The following ATP12A variants were observed in gnomAD, a reference collection of about 807,000 sequenced individuals.
The protein encoded by ATP12A is potassium-transporting ATPase alpha chain 2.
Under a neutral mutation model 111.2 loss-of-function variants are expected in ATP12A, and 81 were observed. The ratio of observed to expected loss-of-function variants is 0.73; its 90% CI spans 0.61 to 0.88. The LOEUF (loss-of-function observed/expected upper bound fraction) is 0.88, where lower values mean the gene tolerates loss of function less well. Among genes scored for constraint, ATP12A ranks in the 40% least tolerant of loss-of-function variants. The pLI is 0.00. For missense variants in ATP12A, 1,196 were observed against 1,313.1 expected (o/e 0.91, Z 1.38); for synonymous variants, 498 against 499.8 (o/e 1.00, Z 0.05).
intron 5 of ATP12A, among the ~76,000 whole-genome samples, chr13:24,689,776 C>T (rs1402694622): frequency 6.6e-6 from 1 of 152,148 alleles, no homozygotes; most frequent in Non-Finnish European, 1.5e-5. Context: ...GTGCTCCCTT[C>T]TTCCCCAAAA....
intron 11 of ATP12A, among the ~76,000 whole-genome samples, chr13:24,698,038 AT>A (rs568879574): frequency 2.0e-5 from 3 of 151,804 alleles, no homozygotes; most frequent in Admixed American, 6.6e-5. Flanking sequence ...TTGTATATCG[AT>A]TTTTTTTGCA....
rs1164869469 is a variant in ATP12A, at chr13:24,680,601, C to T, written c.-143C>T. Reference sequence around the variant, plus strand: ...TCGGCCGCGGAGGTGCGTGCAGGGCCCGCGCCGCCGCCGGTATCTCCACCG... The same window carrying T: ...TCGGCCGCGGAGGTGCGTGCAGGGCTCGCGCCGCCGCCGGTATCTCCACCG... On this transcript the variant is annotated 5_prime_UTR_variant, in exon 1 of 23. Coordinates refer to ENST00000381946, the MANE Select transcript of ATP12A (RefSeq NM_001676.7). The T allele has an allele frequency of 1.4e-5, 14 of 995,516 alleles. No homozygotes were observed. Among genetic ancestry groups the T allele is most frequent in the African/African-American group, 1.7e-5 (1 of 58,426 alleles). The allele number at this position is 995,516 out of a possible 1,614,324, so 61.7% of individuals were successfully genotyped here.
At chr13:24,682,019 TGTA>T (rs1442040432) in intron 2 of ATP12A, among the ~76,000 whole-genome samples, 13 of 98,986 alleles carry the variant, frequency 1.3e-4, no homozygotes, top group Admixed American at 3.8e-4. Flanking sequence ...ATATGGTGTG[TGTA>T]GTGTGTGGTG....
chr13:24,688,523 G>C lies in ATP12A; in HGVS notation c.432+1G>C. The C allele has an allele frequency of 6.3e-7, 1 of 1,576,200 alleles. No homozygotes were observed. Among genetic ancestry groups the C allele is most frequent in the Non-Finnish European group, 8.6e-7 (1 of 1,158,140 alleles). The stretch of plus-strand genomic sequence containing the variant: ...CGACAAGTCTGCATCCCTGAACAAC[G>C]TAAGGCTCTGGGGTGTCCCCTCCTG... On this transcript the variant is annotated splice_donor_variant, in intron 4 of 22. Coordinates refer to ENST00000381946, the MANE Select transcript of ATP12A (RefSeq NM_001676.7). LOFTEE classifies it high-confidence loss of function.
intron 2 of ATP12A, among the ~76,000 whole-genome samples, chr13:24,682,378 TGTGTGTG>T (rs1035812099): frequency 2.7e-5 from 4 of 149,116 alleles, no homozygotes; most frequent in African/African-American, 1.0e-4. Context: ...GTGTGTGGTG[TGTGTGTG>T]GTGTGTGGTG....
chr13:24,686,129 C>G (rs562391559), intron 3 of ATP12A, among the ~76,000 whole-genome samples: 4 of 152,124 alleles, frequency 2.6e-5, no homozygotes, highest in Non-Finnish European at 5.9e-5. Context: ...AAATGAGGAT[C>G]TGAAATAATG....
intron 16 of ATP12A, 30 bp from the exon 17 acceptor site, chr13:24,707,249 A>G: frequency 1.2e-6 from 2 of 1,613,912 alleles, no homozygotes; most frequent in Non-Finnish European, 1.7e-6. Flanking sequence ...GACTAGAAGT[A>G]AGTTCTGAAG....
At chr13:24,708,933 GAA>G (rs1338722119) in intron 17 of ATP12A, among the ~76,000 whole-genome samples, 1 of 141,216 alleles carries the variant, frequency 7.1e-6, no homozygotes, top group South Asian at 2.3e-4. Flanking sequence ...AAGAAAGAAA[GAA>G]AGAAAGAAAG....
At chr13:24,680,816 G>T in intron 1 of ATP12A, 64 bp downstream of exon 1, 2 of 1,434,532 alleles carry the variant, frequency 1.4e-6, no homozygotes, top group Non-Finnish European at 1.8e-6. Context: ...GGGGACCGGA[G>T]CAGGCTGACG....
chr13:24,692,691 C>A, intron 9 of ATP12A, 64 bp downstream of exon 9: 1 of 1,597,402 alleles, frequency 6.3e-7, no homozygotes, highest in Non-Finnish European at 8.6e-7. Flanking sequence ...CTGAGCTGAG[C>A]ACACAGCAGG....
In ATP12A at chr13:24,709,664, A is replaced by T. The variant is rs754629456; in HGVS notation, c.2618-19A>T. On this transcript the variant is annotated intron_variant, in intron 18 of 22. Coordinates refer to ENST00000381946, the MANE Select transcript of ATP12A (RefSeq NM_001676.7). ...GAGGCCATCATAGAACCTGTGTCCT[A>T]TCTCTCTTGTTCTTTCAGGCCTCAT... 1 of 1,612,846 alleles carries T rather than the reference A, an allele frequency of 6.2e-7. No homozygotes were observed. Among genetic ancestry groups the T allele is most frequent in the South Asian group, 1.1e-5 (1 of 91,058 alleles).
At chr13:24,694,320 C>A in intron 10 of ATP12A, 124 bp from the exon 11 acceptor site, 2 of 1,266,448 alleles carry the variant, frequency 1.6e-6, no homozygotes, top group East Asian at 4.6e-5. Flanking sequence ...CCTCCCTGAT[C>A]ACGTGATAAT....
intron 11 of ATP12A, among the ~76,000 whole-genome samples, chr13:24,697,296 T>A (rs1160226): frequency 1.3e-5 from 2 of 151,976 alleles, no homozygotes; most frequent in African/African-American, 4.8e-5. Context: ...ACGTGGTACA[T>A]ACCATAAAAG....
intron 17 of ATP12A, among the ~76,000 whole-genome samples, chr13:24,708,964 G>GAAAAA (rs1566078416): frequency 8.7e-6 from 1 of 114,732 alleles, no homozygotes; most frequent in Non-Finnish European, 1.9e-5. Context: ...AAAGAAAGAA[G>GAAAAA]GAAAGAGAAA....
intron 6 of ATP12A, 38 bp from the exon 7 acceptor site, chr13:24,690,566 G>A: frequency 6.2e-7 from 1 of 1,602,814 alleles, no homozygotes; most frequent in Non-Finnish European, 8.5e-7. Flanking sequence ...CAGGGAATGA[G>A]GTACCCAGCT....
In ATP12A at chr13:24,685,188, C is replaced by G; in HGVS notation, c.169-126C>G. On this transcript the variant is annotated intron_variant, in intron 2 of 22. Coordinates refer to ENST00000381946, the MANE Select transcript of ATP12A (RefSeq NM_001676.7). This position sits in a 1 kb window ranked among gnomAD's most constrained non-coding sequence, Gnocchi z 5.5. ...ACAGGGGTTCTTTCTCTCCTGTCCC[C>G]CACACTCCTCGATCCCCTCCCATCC... The G allele has an allele frequency of 1.2e-6, 1 of 852,530 alleles. No individual in the cohort carries two copies. 52.8% of individuals were successfully genotyped at this position (852,530 alleles called of 1,614,324 possible). A position where few individuals can be genotyped will look rare whatever the true frequency, so the allele number is the denominator to read the frequency against.
At position 24,688,498 on chromosome 13, in the gene ATP12A, C is replaced by T. The variant is rs369759214; in HGVS notation, c.408C>T (p.Ser136=). The T allele has an allele frequency of 5.9e-5, 95 of 1,603,662 alleles. No individual in the cohort carries two copies. The highest frequency in any genetic ancestry group is 2.1e-4 in the African/African-American group (16 of 74,742). ...CWIAYGIQYS[S]DKSASLNNVY... is the part of the protein sequence containing the mutation. Reference sequence around the variant, plus strand: ...TTGCATATGGGATTCAGTACTCCAGCGACAAGTCTGCATCCCTGAACAACG... The same window carrying T: ...TTGCATATGGGATTCAGTACTCCAGTGACAAGTCTGCATCCCTGAACAACG... Residue 136 remains serine (S), a synonymous_variant, in exon 4 of 23, where the codon AGC becomes AGT. Transcript: ENST00000381946.
intron 17 of ATP12A, among the ~76,000 whole-genome samples, chr13:24,708,242 C>T (rs952199918): frequency 6.6e-6 from 1 of 152,298 alleles, no homozygotes; most frequent in South Asian, 2.1e-4. Context: ...AAACCTTCCC[C>T]TTTTCCAGTA....
intron 11 of ATP12A, among the ~76,000 whole-genome samples, chr13:24,696,895 G>A (rs925471646): frequency 3.9e-5 from 6 of 152,122 alleles, no homozygotes; most frequent in African/African-American, 1.2e-4. Context: ...ACGTCTCTGC[G>A]GGAAGGAAAT....
Sources: gnomAD v4.1 joint callset for allele counts (sites outside exome capture counted in the v4.1 genomes callset) on GRCh38, gnomAD v4.1.1 for gene constraint, Gnocchi (gnomAD v3.1) non-coding constraint, MANE v1.5 for transcripts, NCBI Gene and HGNC (gene_info 2026-07-23, HGNC 2026-07-21) for gene names.